MED17: variants seen among roughly 807,000 people sequenced by gnomAD.
MED17 encodes mediator complex subunit 17.
Under a neutral mutation model 80.8 loss-of-function variants are expected in MED17, and 49 were observed. The observed-to-expected ratio is 0.61, with a 90% CI of 0.48 to 0.77. The LOEUF (loss-of-function observed/expected upper bound fraction) is 0.77. Among genes scored for constraint, MED17 ranks in the 30% least tolerant of loss-of-function variants. MED17 has a pLI of 0.00. For missense variants in MED17, 718 were observed against 787.0 expected (o/e 0.91, Z 1.05); for synonymous variants, 281 against 280.4 (o/e 1.00, Z -0.02).
Position 93,784,730 on chromosome 11 carries a change from G to C in MED17, c.217G>C (p.Ala73Pro). ...GGGCGACGCGCAGGAGTGGCCGGGC[G>C]CCGGGTCCAGCGCAGACCAGGACGA... ...TEGDAQEWPG[A>P]GSSADQDDEE... The change falls in exon 1 of 12, where the codon GCC becomes CCC. Residue 73 changes from alanine (A) to proline (P), a missense_variant. Coordinates refer to ENST00000251871, the MANE Select transcript of MED17 (RefSeq NM_004268.5). The C allele has an allele frequency of 1.3e-6, 2 of 1,543,202 alleles. No individual in the cohort carries two copies. The highest frequency in any genetic ancestry group is 1.7e-6 in the Non-Finnish European group (2 of 1,148,150).
chr11:93,801,350 G>A (rs1486549005), intron 8 of MED17: 2 of 159,254 alleles, frequency 1.3e-5, no homozygotes, highest in African/African-American at 4.8e-5. Context: ...TGGAGTATAA[G>A]GATTTGATTG....
intron 5 of MED17, chr11:93,794,331 A>C: frequency 3.1e-6 from 1 of 318,104 alleles, no homozygotes; most frequent in African/African-American, 2.2e-5. Flanking sequence ...CAGCCTCCCG[A>C]GTAGCTGGGA....
rs59661241 is a variant in MED17 at position 93,807,831 on chromosome 11, C to G, written c.1584+196C>G. ...TTAACTGGAAGTACTGATAAGCTGT[C>G]CTAGGTTTTCACATAGTTTATGTTA... On this transcript the variant is annotated intron_variant, in intron 10 of 11. Transcript: ENST00000251871. 1.5e-3 allele frequency: 891 copies of G among 594,980 alleles called. 9 individuals are homozygous for G. The highest frequency in any genetic ancestry group is 0.015 in the African/African-American group (779 of 53,648). The allele number at this position is 594,980 out of a possible 1,614,324, so 36.9% of individuals were successfully genotyped here. A position where few individuals can be genotyped will look rare whatever the true frequency, so the allele number is the denominator to read the frequency against.
At position 93,813,379 on chromosome 11, in the gene MED17, T is replaced by G. The variant is rs1291897531; in HGVS notation, c.*1315T>G. On this transcript the variant is annotated 3_prime_UTR_variant, in exon 12 of 12. Transcript: ENST00000251871. ...TTCCCCTTCTGATCAAGATCTTGCATCTTTCTATCCATGGAAATTAAAATA... is the reference window on the plus strand; with the variant it reads ...TTCCCCTTCTGATCAAGATCTTGCAGCTTTCTATCCATGGAAATTAAAATA... The G allele has an allele frequency of 4.6e-5, 7 of 152,244 alleles. No homozygotes were observed. The highest frequency in any genetic ancestry group is 1.7e-4 in the African/African-American group (7 of 41,468). 9.4% of individuals were successfully genotyped at this position (152,244 alleles called of 1,614,324 possible).
At chr11:93,794,724 G>A in intron 5 of MED17, 184 bp from the exon 6 acceptor site, 4 of 627,410 alleles carry the variant, frequency 6.4e-6, no homozygotes, top group Non-Finnish European at 1.1e-5. Context: ...CTGCCGGGAT[G>A]ATTTGTAACA....
chr11:93,808,323 C>T (rs1944047961), intron 10 of MED17: 1 of 149,180 alleles, frequency 6.7e-6, no homozygotes, highest in Admixed American at 6.7e-5. Context: ...TAATTGGTCC[C>T]ACTGTACTTC....
At chr11:93,788,423 T>G (rs1156611244) in intron 2 of MED17, 17 of 337,356 alleles carry the variant, frequency 5.0e-5, no homozygotes, top group Non-Finnish European at 7.8e-5. Context: ...GGCTCACGCC[T>G]GTAATCCCAG....
intron 9 of MED17, among the ~76,000 whole-genome samples, chr11:93,803,496 T>A (rs1262782629): frequency 1.3e-5 from 2 of 151,930 alleles, no homozygotes; most frequent in Non-Finnish European, 2.9e-5. Context: ...ATAAAATAAT[T>A]GGGGTGATTT....
intron 8 of MED17, among the ~76,000 whole-genome samples, chr11:93,800,295 G>A (rs1014457922): frequency 6.6e-6 from 1 of 151,844 alleles, no homozygotes; most frequent in Non-Finnish European, 1.5e-5. Flanking sequence ...TCTTCCCATT[G>A]TCTTTTAAAA....
chr11:93,795,753 A>T (rs1291871797), intron 6 of MED17: 2 of 153,636 alleles, frequency 1.3e-5, no homozygotes, highest in Non-Finnish European at 2.9e-5. Context: ...ATTCCATCCT[A>T]CTTCTCATGG....
chr11:93,802,030 C>A, intron 9 of MED17, 58 bp downstream of exon 9: 1 of 1,484,470 alleles, frequency 6.7e-7, no homozygotes, highest in African/African-American at 1.4e-5. Context: ...TTGATGTTTG[C>A]TGAGTAATTA....
rs1944115501 is a variant in MED17, at chr11:93,814,580, T to G, written c.*2516T>G. The G allele has an allele frequency of 6.6e-6, 1 of 152,166 alleles. No homozygotes were observed. The highest frequency in any genetic ancestry group is 2.4e-5 in the African/African-American group (1 of 41,436). 9.4% of individuals were successfully genotyped at this position (152,166 alleles called of 1,614,324 possible). On this transcript the variant is annotated 3_prime_UTR_variant, in exon 12 of 12. Coordinates refer to ENST00000251871, the MANE Select transcript of MED17 (RefSeq NM_004268.5). ...GATAGAGGTGCCTCCTCTACTAACC[T>G]CAGTGGTGATTGAGAAGTTTCAGTA...
chr11:93,784,900 C>T lies in MED17; in HGVS notation c.250+137C>T, dbSNP rs996322831. ...TCCCTCTAGCGGAAGCGTAAGGATA[C>T]TTGGTCGTCATCTTTTTGTTGCTGC... On this transcript the variant is annotated intron_variant, in intron 1 of 11. Transcript: ENST00000251871. 15 of 1,254,820 alleles carry T rather than the reference C, an allele frequency of 1.2e-5. No homozygotes were observed. In the South Asian group the frequency reaches 2.1e-4, roughly 17 times the overall value. 77.7% of individuals were successfully genotyped at this position (1,254,820 alleles called of 1,614,324 possible). A position where few individuals can be genotyped will look rare whatever the true frequency, so the allele number is the denominator to read the frequency against.
At chr11:93,798,343 G>A (rs1943927096) in intron 8 of MED17, among the ~76,000 whole-genome samples, 1 of 152,074 alleles carries the variant, frequency 6.6e-6, no homozygotes, top group Non-Finnish European at 1.5e-5. Flanking sequence ...AGTGCTAAAG[G>A]GTGCTTTTCT....
intron 9 of MED17, among the ~76,000 whole-genome samples, chr11:93,803,625 G>A (rs534092203): frequency 7.9e-5 from 12 of 152,148 alleles, no homozygotes; most frequent in African/African-American, 2.7e-4. Flanking sequence ...TTCTGTTGGT[G>A]TTTATTATTT....
At chr11:93,786,768 C>T (rs148787419) in intron 1 of MED17, among the ~76,000 whole-genome samples, 3 of 152,166 alleles carry the variant, frequency 2.0e-5, no homozygotes, top group East Asian at 1.9e-4. Context: ...TGCACCCAGC[C>T]GAAACTTTTA....
chr11:93,784,874 G>A, intron 1 of MED17, 111 bp downstream of exon 1: 1 of 1,425,390 alleles, frequency 7.0e-7, no homozygotes, highest in Non-Finnish European at 9.4e-7. Context: ...ACTTTTGAGT[G>A]TCCCTCTAGC....
Position 93,808,003 on chromosome 11 carries a change from C to T in MED17, c.1584+368C>T, listed in dbSNP as rs147273639. 2.5e-3 allele frequency: 757 copies of T among 307,416 alleles called. 6 individuals carry two copies. Among genetic ancestry groups the T allele is most frequent in the African/African-American group, 0.015 (709 of 45,988 alleles). 19.0% of individuals were successfully genotyped at this position (307,416 alleles called of 1,614,324 possible). A position where few individuals can be genotyped will look rare whatever the true frequency, so the allele number is the denominator to read the frequency against. ...AGAGAAAGGGAGATCATATAAAAAA[C>T]TATAATGACCATTATCCATAATAAA... is the stretch of plus-strand genomic sequence containing the variant. On this transcript the variant is annotated intron_variant, in intron 10 of 11. Coordinates refer to ENST00000251871, the MANE Select transcript of MED17 (RefSeq NM_004268.5).
At chr11:93,803,904 A>C (rs991216381) in intron 9 of MED17, among the ~76,000 whole-genome samples, 1 of 151,250 alleles carries the variant, frequency 6.6e-6, no homozygotes, top group African/African-American at 2.4e-5. Flanking sequence ...CCTTTTCCTC[A>C]TCTTCTATAG....
Sources: gnomAD v4.1 joint callset for allele counts (sites outside exome capture counted in the v4.1 genomes callset) on GRCh38, gnomAD v4.1.1 for gene constraint, MANE v1.5 for transcripts, NCBI Gene and HGNC (gene_info 2026-07-23, HGNC 2026-07-21) for gene names.